AUTS2: variants seen among roughly 807,000 people sequenced by gnomAD.
The protein encoded by AUTS2 is activator of transcription and developmental regulator AUTS2, also known as autism susceptibility gene 2 protein.
AUTS2 carries 17 observed loss-of-function variants against 112.4 expected under a neutral mutation model. The observed-to-expected ratio is 0.15, with a 90% CI of 0.10 to 0.23. The LOEUF is 0.23. AUTS2 is among the 10% of genes least tolerant of loss of function. The pLI is 1.00. For synonymous variants in AUTS2, 751 were observed against 702.7 expected, an observed-to-expected ratio of 1.07 and a Z score of -1.09; for missense variants, 1,510 against 1,701.6, an observed-to-expected ratio of 0.89 and a Z score of 1.98.
chr7:70,054,764 C>G (rs1425639803), intron 2 of AUTS2, among the ~76,000 whole-genome samples: 1 of 152,108 alleles, frequency 6.6e-6, no homozygotes, highest in African/African-American at 2.4e-5. Context: ...ATTTCCAGAA[C>G]TATTGACTAA....
chr7:70,108,992 AAG>A (rs1804928164), intron 2 of AUTS2, among the ~76,000 whole-genome samples: 1 of 152,066 alleles, frequency 6.6e-6, no homozygotes, highest in Middle Eastern at 3.2e-3. Flanking sequence ...CTAGGATGAC[AAG>A]GTGTTCCAGA....
At chr7:70,668,738 C>T (rs1388876075) in intron 5 of AUTS2, among the ~76,000 whole-genome samples, 1 of 152,218 alleles carries the variant, frequency 6.6e-6, no homozygotes, top group Admixed American at 6.5e-5. Flanking sequence ...CAAGGCCAGT[C>T]TGGGTGAACG....
chr7:69,864,896 A>G (rs1204126459), intron 1 of AUTS2, among the ~76,000 whole-genome samples: 2 of 152,182 alleles, frequency 1.3e-5, no homozygotes, highest in African/African-American at 4.8e-5. Flanking sequence ...TGAGAAAGGG[A>G]AAAAATGTGT....
intron 1 of AUTS2, among the ~76,000 whole-genome samples, chr7:69,603,601 A>G (rs1478160563): frequency 6.6e-6 from 1 of 152,176 alleles, no homozygotes; most frequent in East Asian, 1.9e-4. Context: ...CCTGAAGTTC[A>G]AGTGTATGAT....
intron 5 of AUTS2, among the ~76,000 whole-genome samples, chr7:70,554,159 C>G (rs1205439343): frequency 6.6e-6 from 1 of 151,122 alleles, no homozygotes; most frequent in Admixed American, 6.6e-5. Context: ...ACCTCCGCCT[C>G]CTGGGTTCAA....
chr7:70,788,482 A>G (rs1002764088), intron 18 of AUTS2, among the ~76,000 whole-genome samples: 1 of 152,342 alleles, frequency 6.6e-6, no homozygotes, highest in Admixed American at 6.5e-5. Flanking sequence ...TATGACATTC[A>G]TCTCTGAGCT....
intron 1 of AUTS2, among the ~76,000 whole-genome samples, chr7:69,660,215 C>T (rs1795730768): frequency 6.6e-6 from 1 of 152,200 alleles, no homozygotes; most frequent in South Asian, 2.1e-4. Context: ...GATTTTCCAT[C>T]CTGGGCCACC....
intron 6 of AUTS2, among the ~76,000 whole-genome samples, chr7:70,747,833 T>C (rs1221526813): frequency 8.2e-6 from 1 of 122,288 alleles, no homozygotes; most frequent in Non-Finnish European, 1.6e-5. Flanking sequence ...TATTTATTTT[T>C]GTTTTTGAGA....
chr7:70,791,497 C>T lies in AUTS2; in HGVS notation c.*501C>T, dbSNP rs978924121. ...GATAAAGTAACATAATACATTAATA[C>T]TTCTTAAAATGTGCTATTTGCAAAC... On this transcript the variant is annotated 3_prime_UTR_variant, in exon 19 of 19. Transcript: ENST00000342771. 1 of 152,832 alleles carries T rather than the reference C, an allele frequency of 6.5e-6. No individual in the cohort carries two copies. The highest frequency in any genetic ancestry group is 2.4e-5 in the African/African-American group (1 of 41,418). The allele number at this position is 152,832 out of a possible 1,614,324, so 9.5% of individuals were successfully genotyped here.
intron 6 of AUTS2, among the ~76,000 whole-genome samples, chr7:70,700,709 G>C (rs193032301): frequency 1.3e-5 from 2 of 152,284 alleles, no homozygotes; most frequent in Admixed American, 6.5e-5. Flanking sequence ...ATTGTGTAGC[G>C]ATAATGTCAA....
chr7:70,444,343 CGTGTGTGTGTGT>C (rs370735846), intron 5 of AUTS2, among the ~76,000 whole-genome samples: 7 of 138,690 alleles, frequency 5.0e-5, no homozygotes, highest in African/African-American at 1.1e-4. Context: ...TGGTCATGTA[CGTGTGTGTGTGT>C]GTGTGTGTGT....
chr7:70,364,293 G>A (rs1476376624), intron 4 of AUTS2, among the ~76,000 whole-genome samples: 2 of 152,122 alleles, frequency 1.3e-5, no homozygotes, highest in African/African-American at 4.8e-5. Flanking sequence ...GCCGGGCGCA[G>A]TGGCTCACGC....
chr7:70,276,514 G>A (rs1304550702), intron 4 of AUTS2, among the ~76,000 whole-genome samples: 2 of 151,784 alleles, frequency 1.3e-5, no homozygotes, highest in African/African-American at 4.8e-5. Context: ...GAGTAGCTGG[G>A]ATTAGAGGTC....
intron 2 of AUTS2, among the ~76,000 whole-genome samples, chr7:70,021,560 G>A (rs529343328): frequency 2.2e-4 from 33 of 152,196 alleles, no homozygotes; most frequent in Admixed American, 3.9e-4. Context: ...CATCCAGACA[G>A]CAGCACACCC....
At chr7:70,145,265 C>A (rs1167720864) in intron 4 of AUTS2, among the ~76,000 whole-genome samples, 1 of 152,064 alleles carries the variant, frequency 6.6e-6, no homozygotes, top group Admixed American at 6.6e-5. Context: ...TTGAGACAAC[C>A]TGTGGGCATA....
chr7:70,006,582 G>A (rs1025084481), intron 2 of AUTS2, among the ~76,000 whole-genome samples: 2 of 152,142 alleles, frequency 1.3e-5, no homozygotes, highest in Non-Finnish European at 2.9e-5. Flanking sequence ...TGCACCAGCT[G>A]CTGCTGCTGT....
chr7:70,256,949 C>A (rs1382900899), intron 4 of AUTS2, among the ~76,000 whole-genome samples: 1 of 152,088 alleles, frequency 6.6e-6, no homozygotes, highest in Non-Finnish European at 1.5e-5. Context: ...TCAGTGAATC[C>A]AGCACATCTC....
chr7:70,088,814 A>G (rs1562680467), intron 2 of AUTS2, among the ~76,000 whole-genome samples: 2 of 151,658 alleles, frequency 1.3e-5, no homozygotes, highest in South Asian at 2.1e-4. Context: ...GGGTTTCACA[A>G]TGTTGGCCAG....
intron 1 of AUTS2, among the ~76,000 whole-genome samples, chr7:69,805,034 G>C (rs1000935030): frequency 6.6e-6 from 1 of 152,218 alleles, no homozygotes; most frequent in Non-Finnish European, 1.5e-5. Flanking sequence ...AGAGAGGACA[G>C]TTATATCTTC....
Sources: allele counts gnomAD v4.1 joint callset (sites outside exome capture counted in the v4.1 genomes callset), GRCh38; gene constraint gnomAD v4.1.1; transcripts MANE v1.5; gene names NCBI Gene and HGNC (gene_info 2026-07-23, HGNC 2026-07-21).